Variants in FAT3 observed in about 807,000 individuals in gnomAD.
FAT3 encodes the protein FAT atypical cadherin 3.
FAT3 carries 95 observed loss-of-function variants against 310.2 expected under a neutral mutation model. That is an observed-to-expected ratio of 0.31 (90% CI 0.26 to 0.36). FAT3 has a LOEUF of 0.36. Ranked by LOEUF, FAT3 falls within the 10% of genes least tolerant of loss-of-function variation. The probability of loss-of-function intolerance (pLI) is 1.00; values close to 1 mark genes in which losing one functional copy is unlikely to be tolerated. For missense variants in FAT3, 5,408 were observed against 5,715.6 expected, an observed-to-expected ratio of 0.95 and a Z score of 1.74; for synonymous variants, 2,314 against 2,192.9, an observed-to-expected ratio of 1.06 and a Z score of -1.54.
At chr11:92,299,197 G>A (rs1009698334) in intron 1 of FAT3, among the ~76,000 whole-genome samples, 3 of 151,996 alleles carry the variant, frequency 2.0e-5, no homozygotes, top group Non-Finnish European at 4.4e-5. Flanking sequence ...GGTACAAGAT[G>A]GATTAATCAA....
At chr11:92,397,721 G>A (rs1949906835) in intron 2 of FAT3, among the ~76,000 whole-genome samples, 1 of 149,512 alleles carries the variant, frequency 6.7e-6, no homozygotes, top group South Asian at 2.1e-4. Flanking sequence ...TCCATCCCCC[G>A]CTTGCGAACA....
rs1948614488 is a variant in FAT3, at chr11:92,353,071, G to A, written c.959G>A (p.Trp320Ter). 6.2e-7 allele frequency: 1 copy of A among 1,613,564 alleles called. No individual in the cohort carries two copies. Among genetic ancestry groups the A allele is most frequent in the African/African-American group, 1.3e-5 (1 of 74,884 alleles). ...DQFFLAKEGK[W>*]LNEYKIKERK... ...TTCTTCCTGGCTAAGGAAGGAAAGT[G>A]GTTGAATGAGTACAAGATTAAGGAG... The change falls in exon 2 of 28, where the codon TGG becomes TAG. Residue 320 changes from tryptophan (W) to a stop codon, truncating the protein, a stop_gained. Coordinates refer to ENST00000525166, the MANE Select transcript of FAT3 (RefSeq NM_001367949.2). LOFTEE classifies it high-confidence loss of function.
rs140299757 is a variant in FAT3 at position 92,354,256 on chromosome 11, T to G, written c.2144T>G (p.Phe715Cys). ...AATCTGGAAGATGGATTTCTTGACT[T>G]TTATTCAATTAATAGACAGGGACCA... ...KLNLEDGFLDFYSINRQGPYF... is the reference protein window; with the variant it reads ...KLNLEDGFLDCYSINRQGPYF... The change falls in exon 2 of 28, where the codon TTT becomes TGT. Residue 715 changes from phenylalanine (F) to cysteine (C), a missense_variant. Coordinates refer to ENST00000525166, the MANE Select transcript of FAT3 (RefSeq NM_001367949.2). 23 of 1,613,706 alleles carry G rather than the reference T, an allele frequency of 1.4e-5. No homozygotes were observed. The highest frequency in any genetic ancestry group is 1.9e-5 in the Non-Finnish European group (23 of 1,179,852).
intron 2 of FAT3, among the ~76,000 whole-genome samples, chr11:92,395,558 C>A (rs949000980): frequency 6.6e-6 from 1 of 151,934 alleles, no homozygotes; most frequent in African/African-American, 2.4e-5. Flanking sequence ...TGCTTTGCAT[C>A]CCTATGACCC....
At chr11:92,510,631 A>C (rs955102288) in intron 2 of FAT3, among the ~76,000 whole-genome samples, 1 of 152,224 alleles carries the variant, frequency 6.6e-6, no homozygotes, top group Non-Finnish European at 1.5e-5. Context: ...AACCTACAGA[A>C]CATCATGGCC....
intron 1 of FAT3, among the ~76,000 whole-genome samples, chr11:92,321,171 T>C (rs1032257686): frequency 3.9e-5 from 6 of 152,098 alleles, no homozygotes; most frequent in Admixed American, 1.3e-4. Flanking sequence ...GCACGGTGGC[T>C]CACTCCTGTA....
intron 2 of FAT3, among the ~76,000 whole-genome samples, chr11:92,356,329 G>A (rs191704406): frequency 6.6e-6 from 1 of 152,232 alleles, no homozygotes; most frequent in Admixed American, 6.5e-5. Flanking sequence ...GGTAATATTA[G>A]CACCTTACCA....
chr11:92,467,049 A>G, intron 2 of FAT3, among the ~76,000 whole-genome samples: 1 of 152,080 alleles, frequency 6.6e-6, no homozygotes, highest in African/African-American at 2.4e-5. Context: ...ACACGTGTGC[A>G]TGTGTCTTTA....
chr11:92,483,367 G>A lies in FAT3; in HGVS notation c.3293-41267G>A, dbSNP rs1189388956. Among the ~76,000 whole-genome samples, 4 of 150,458 alleles carry A rather than the reference G, an allele frequency of 2.7e-5. No homozygotes were observed. The East Asian group carries it at 5.9e-4, about 22-fold the overall frequency. ...CTTTTATTTTTTGAGGCAGAGTCTCGCTCTGTCTCCCAGGCTGGAGTGCAA... is the reference window on the plus strand; with the variant it reads ...CTTTTATTTTTTGAGGCAGAGTCTCACTCTGTCTCCCAGGCTGGAGTGCAA... On this transcript the variant is annotated intron_variant, in intron 2 of 27. Transcript: ENST00000525166.
At chr11:92,299,893 C>T (rs1299657009) in intron 1 of FAT3, among the ~76,000 whole-genome samples, 2 of 152,086 alleles carry the variant, frequency 1.3e-5, no homozygotes, top group Non-Finnish European at 2.9e-5. Flanking sequence ...TTCCATGGCC[C>T]CCATAGCTCC....
At chr11:92,467,139 C>T (rs1422158968) in intron 2 of FAT3, among the ~76,000 whole-genome samples, 4 of 152,098 alleles carry the variant, frequency 2.6e-5, no homozygotes, top group African/African-American at 9.7e-5. Flanking sequence ...AGTTCTAGAT[C>T]CCTGAGGAAT....
chr11:92,353,112 T>A lies in FAT3; in HGVS notation c.1000T>A (p.Trp334Arg), dbSNP rs1948615669. 1.2e-6 allele frequency: 2 copies of A among 1,613,698 alleles called. No individual in the cohort carries two copies. The highest frequency in any genetic ancestry group is 1.7e-6 in the Non-Finnish European group (2 of 1,179,854). Reference protein sequence around the residue: ...YKIKERKQIDWESFPYGYNLT... With the variant: ...YKIKERKQIDRESFPYGYNLT... ...GATTAAGGAGAGGAAGCAGATTGAC[T>A]GGGAGAGCTTTCCCTATGGCTACAA... The change falls in exon 2 of 28, where the codon TGG becomes AGG. Residue 334 changes from tryptophan to arginine, a missense_variant. Trp to Arg is a moderately radical substitution (Grantham distance 101). Around this residue, in one of 5 missense-constraint regions of FAT3, gnomAD observed 4,588 missense variants for 4,809.8 expected, o/e 0.95. Transcript: ENST00000525166.
intron 13 of FAT3, among the ~76,000 whole-genome samples, chr11:92,812,168 C>T (rs975780600): frequency 5.3e-5 from 8 of 152,170 alleles, no homozygotes; most frequent in Admixed American, 2.6e-4. Context: ...ACAATTTCTC[C>T]GTTTCCTAAG....
At chr11:92,699,979 G>A (rs1182553619) in intron 4 of FAT3, among the ~76,000 whole-genome samples, 3 of 152,172 alleles carry the variant, frequency 2.0e-5, no homozygotes, top group Non-Finnish European at 4.4e-5. Context: ...GGAGCCCCAG[G>A]TAGCAAGCCC....
At chr11:92,650,524 A>G (rs1942336862) in intron 3 of FAT3, among the ~76,000 whole-genome samples, 2 of 152,182 alleles carry the variant, frequency 1.3e-5, no homozygotes, top group South Asian at 4.1e-4. Flanking sequence ...AGACAGCCCT[A>G]GGCAGTGGAC....
At chr11:92,366,484 G>A in intron 2 of FAT3, 1 of 436,200 alleles carries the variant, frequency 2.3e-6, no homozygotes, top group Non-Finnish European at 4.5e-6. Flanking sequence ...ACAGTAGCTT[G>A]CCCGCCAGCC....
chr11:92,872,317 T>C (rs1949410002), intron 22 of FAT3, among the ~76,000 whole-genome samples: 1 of 152,224 alleles, frequency 6.6e-6, no homozygotes, highest in African/African-American at 2.4e-5. Flanking sequence ...CTGTGACCAA[T>C]GGATGCCACT....
intron 6 of FAT3, among the ~76,000 whole-genome samples, chr11:92,765,829 G>A (rs373203491): frequency 2.0e-5 from 3 of 151,830 alleles, no homozygotes; most frequent in African/African-American, 4.8e-5. Flanking sequence ...TGCTTTTGAG[G>A]TATGTGGGCT....
intron 1 of FAT3, among the ~76,000 whole-genome samples, chr11:92,328,080 G>A (rs1479252750): frequency 6.6e-6 from 1 of 152,122 alleles, no homozygotes; most frequent in African/African-American, 2.4e-5. Context: ...TGTTCCTGCT[G>A]CTCATCCATT....
Sources: gnomAD v4.1 joint callset for allele counts (sites outside exome capture counted in the v4.1 genomes callset) on GRCh38, gnomAD v4.1.1 for gene constraint, gnomAD v4.1.1 regional missense constraint, MANE v1.5 for transcripts, NCBI Gene and HGNC (gene_info 2026-07-23, HGNC 2026-07-21) for gene names.